The following KHDRBS2 variants were observed in gnomAD, a reference collection of about 807,000 sequenced individuals.
KHDRBS2 encodes KH RNA binding domain containing, signal transduction associated 2.
Under a neutral mutation model 44.3 loss-of-function variants are expected in KHDRBS2, and 26 were observed. The ratio of observed to expected loss-of-function variants is 0.59; its 90% CI spans 0.43 to 0.81. The LOEUF (loss-of-function observed/expected upper bound fraction) is 0.81, where lower values mean the gene tolerates loss of function less well. KHDRBS2 is among the 40% of genes least tolerant of loss of function. The probability of loss-of-function intolerance (pLI) is 0.00; values close to 1 mark genes in which losing one functional copy is unlikely to be tolerated. For missense variants in KHDRBS2, 476 were observed against 433.1 expected (o/e 1.10, Z -0.88); for synonymous variants, 194 against 151.1 (o/e 1.28, Z -2.08).
the KHDRBS2 span, among the ~76,000 whole-genome samples, chr6:61,582,245 T>G: frequency 6.6e-6 from 1 of 151,734 alleles, no homozygotes; most frequent in African/African-American, 2.4e-5. Flanking sequence ...TAAGAAGCAG[T>G]AAATAGTTAT....
intron 3 of KHDRBS2, among the ~76,000 whole-genome samples, chr6:62,014,276 T>A (rs1205355310): frequency 6.6e-6 from 1 of 152,190 alleles, no homozygotes; most frequent in Non-Finnish European, 1.5e-5. Flanking sequence ...CATTTAAATT[T>A]TCTTTCTTAT....
Position 61,680,748 on chromosome 6 carries a change from T to TA in KHDRBS2, c.*214_*215insT. The TA allele has an allele frequency of 2.5e-6, 1 of 401,342 alleles. No individual in the cohort carries two copies. Among genetic ancestry groups the TA allele is most frequent in the Non-Finnish European group, 4.5e-6 (1 of 223,104 alleles). The allele number at this position is 401,342 out of a possible 1,614,324, so 24.9% of individuals were successfully genotyped here. On this transcript the variant is annotated 3_prime_UTR_variant, in exon 9 of 9. Transcript: ENST00000281156. ...TTTATAGACTATGCTTGCTAATGTC[T>TA]TTTTCAGTCTGTTTTGTAAAATAAT... is the stretch of plus-strand genomic sequence containing the variant.
At chr6:61,871,948 TG>T (rs1364674361) in intron 6 of KHDRBS2, among the ~76,000 whole-genome samples, 2 of 29,786 alleles carry the variant, frequency 6.7e-5, no homozygotes, top group Admixed American at 3.4e-4. Flanking sequence ...TGTCAGGGGG[TG>T]GGGGGGTAGG....
intron 1 of KHDRBS2, among the ~76,000 whole-genome samples, chr6:62,252,155 A>G (rs1009186265): frequency 1.3e-5 from 2 of 151,902 alleles, no homozygotes; most frequent in African/African-American, 4.8e-5. Flanking sequence ...TGACAAAAAA[A>G]TAAATATTCA....
At chr6:61,641,449 G>C in the KHDRBS2 span, among the ~76,000 whole-genome samples, 3 of 152,072 alleles carry the variant, frequency 2.0e-5, no homozygotes, top group Non-Finnish European at 2.9e-5. Flanking sequence ...AAAATACTCT[G>C]TACTTTTGGG....
chr6:61,632,717 T>C, the KHDRBS2 span, among the ~76,000 whole-genome samples: 1 of 152,242 alleles, frequency 6.6e-6, no homozygotes, highest in South Asian at 2.1e-4. Flanking sequence ...AAGCTACTTC[T>C]TCTGGCAGGG....
At chr6:62,202,843 G>A (rs968111663) in intron 1 of KHDRBS2, among the ~76,000 whole-genome samples, 3 of 152,124 alleles carry the variant, frequency 2.0e-5, no homozygotes, top group African/African-American at 7.2e-5. Context: ...AATGAGGGAT[G>A]AGACAACTGT....
chr6:61,786,769 G>T (rs1479494659), intron 6 of KHDRBS2, among the ~76,000 whole-genome samples: 1 of 151,812 alleles, frequency 6.6e-6, no homozygotes, highest in African/African-American at 2.4e-5. Context: ...TCAAGGAGCA[G>T]GTGCAGTAGT....
chr6:61,626,246 G>A, the KHDRBS2 span, among the ~76,000 whole-genome samples: 1 of 152,170 alleles, frequency 6.6e-6, no homozygotes, highest in Admixed American at 6.5e-5. Flanking sequence ...GACTGTTGCA[G>A]AAAAAGATAA....
At chr6:61,960,120 T>C (rs1298154071) in intron 4 of KHDRBS2, among the ~76,000 whole-genome samples, 2 of 152,104 alleles carry the variant, frequency 1.3e-5, no homozygotes, top group African/African-American at 4.8e-5. Context: ...CAGCTCTCTG[T>C]GATGATCCCC....
Position 61,817,593 on chromosome 6 carries a change from T to C in KHDRBS2, c.810+77042A>G, listed in dbSNP as rs538335240. ...ACAGTCTGTTTAAATACCTTCGATT[T>C]TGGAGAGAATTTTTAGTTCATAAAC... On this transcript the variant is annotated intron_variant, in intron 6 of 8. Coordinates refer to ENST00000281156, the MANE Select transcript of KHDRBS2 (RefSeq NM_152688.4). Among the ~76,000 whole-genome samples, 30 of 152,280 alleles carry C rather than the reference T, an allele frequency of 2.0e-4. 1 individual carries two copies. The highest frequency in any genetic ancestry group is 3.4e-3 in the Middle Eastern group (1 of 294).
intron 4 of KHDRBS2, among the ~76,000 whole-genome samples, chr6:61,950,379 A>T (rs1399449609): frequency 6.6e-6 from 1 of 152,030 alleles, no homozygotes; most frequent in Non-Finnish European, 1.5e-5. Flanking sequence ...TTCCTCAATT[A>T]AGATAGTAGA....
At chr6:62,070,510 C>T (rs1384195905) in intron 2 of KHDRBS2, among the ~76,000 whole-genome samples, 3 of 151,878 alleles carry the variant, frequency 2.0e-5, no homozygotes, top group African/African-American at 4.8e-5. Context: ...CTACAACAGG[C>T]CCCGGTGTGT....
chr6:61,941,209 G>C (rs1431360562), intron 4 of KHDRBS2, among the ~76,000 whole-genome samples: 1 of 152,140 alleles, frequency 6.6e-6, no homozygotes, highest in Non-Finnish European at 1.5e-5. Context: ...CTGAGGTTGG[G>C]CATACACACC....
At chr6:61,673,539 C>T in the KHDRBS2 span, among the ~76,000 whole-genome samples, 1 of 145,064 alleles carries the variant, frequency 6.9e-6, no homozygotes, top group Non-Finnish European at 1.5e-5. Context: ...CGTCTCAGCC[C>T]AAAATCTCCT....
intron 6 of KHDRBS2, among the ~76,000 whole-genome samples, chr6:61,821,238 C>T (rs1789867306): frequency 6.6e-6 from 1 of 151,990 alleles, no homozygotes; most frequent in Non-Finnish European, 1.5e-5. Context: ...TTAGAATCTA[C>T]TGGGGTGCTA....
chr6:62,015,167 T>C (rs1419444602), intron 3 of KHDRBS2, among the ~76,000 whole-genome samples: 2 of 152,194 alleles, frequency 1.3e-5, no homozygotes, highest in Non-Finnish European at 2.9e-5. Flanking sequence ...ATATCACTGG[T>C]TCAATGATAT....
At chr6:62,163,857 GT>G (rs1214962027) in intron 2 of KHDRBS2, among the ~76,000 whole-genome samples, 1 of 151,912 alleles carries the variant, frequency 6.6e-6, no homozygotes, top group Non-Finnish European at 1.5e-5. Context: ...TTTTCTCAGT[GT>G]CTGACATATA....
chr6:61,779,185 T>C (rs1782557041), intron 6 of KHDRBS2, among the ~76,000 whole-genome samples: 1 of 152,148 alleles, frequency 6.6e-6, no homozygotes, highest in Admixed American at 6.5e-5. Flanking sequence ...ATAAATGTAG[T>C]ATACCAATTT....
Sources: gnomAD v4.1 joint callset for allele counts (sites outside exome capture counted in the v4.1 genomes callset) on GRCh38, gnomAD v4.1.1 for gene constraint, MANE v1.5 for transcripts, NCBI Gene and HGNC (gene_info 2026-07-23, HGNC 2026-07-21) for gene names.